The following EPC1 variants were observed in gnomAD, a reference collection of about 807,000 sequenced individuals.
The protein encoded by EPC1 is enhancer of polycomb homolog 1.
In EPC1, 12 loss-of-function variants were observed where a neutral mutation model predicts 98.4. The observed-to-expected ratio is 0.12, with a 90% CI of 0.08 to 0.20. The LOEUF is 0.20. Ranked by LOEUF, EPC1 falls within the 10% of genes least tolerant of loss-of-function variation. The pLI, the probability that EPC1 is intolerant of heterozygous loss-of-function variation, is 1.00. For synonymous variants in EPC1, 357 were observed against 363.9 expected, an observed-to-expected ratio of 0.98 and a Z score of 0.21; for missense variants, 729 against 990.5, an observed-to-expected ratio of 0.74 and a Z score of 3.54.
chr10:32,376,216 G>A (rs1164969423), intron 1 of EPC1, among the ~76,000 whole-genome samples: 1 of 151,988 alleles, frequency 6.6e-6, no homozygotes, highest in Non-Finnish European at 1.5e-5. Context: ...TGATGTAGGA[G>A]AACAAAGAGC....
rs376423999 is a variant in EPC1, at chr10:32,315,075, T to G, written c.154-9144A>C. Among the ~76,000 whole-genome samples the G allele has an allele frequency of 2.6e-5, 4 of 152,354 alleles. No homozygotes were observed. The East Asian group carries it at 7.7e-4, about 29-fold the overall frequency. ...GAGCTCTTTAAGAGTAGAGACGATG[T>G]CTAATTTGCCTTTGCATCTTTTCCT... On this transcript the variant is annotated intron_variant, in intron 1 of 13. Coordinates refer to ENST00000319778, the MANE Select transcript of EPC1 (RefSeq NM_001272004.3).
intron 10 of EPC1, among the ~76,000 whole-genome samples, chr10:32,280,616 G>A (rs908451388): frequency 2.0e-4 from 31 of 152,176 alleles, no homozygotes; most frequent in African/African-American, 7.0e-4. Context: ...GCGGGTGCCT[G>A]TAATCCTAGC....
chr10:32,284,560 A>G (rs1183785298), intron 10 of EPC1, 138 bp downstream of exon 10: 1 of 661,234 alleles, frequency 1.5e-6, no homozygotes, highest in Non-Finnish European at 2.5e-6. Flanking sequence ...ATAAATACTT[A>G]GACCAAGATT....
At chr10:32,333,757 A>G (rs1219051892) in intron 1 of EPC1, among the ~76,000 whole-genome samples, 1 of 72,966 alleles carries the variant, frequency 1.4e-5, no homozygotes, top group Non-Finnish European at 3.4e-5. Context: ...CAGTCAGACA[A>G]TAAGGCTTTA....
chr10:32,268,793 T>A lies in EPC1; in HGVS notation c.*270A>T, dbSNP rs1033592450. ...AAGTGCAAAGCATCACAAATGAACA[T>A]TTCTGTATTCAAGTAACATATATAC... On this transcript the variant is annotated 3_prime_UTR_variant, in exon 14 of 14. Transcript: ENST00000319778. 1 of 129,368 alleles carries A rather than the reference T, an allele frequency of 7.7e-6. No homozygotes were observed. The highest frequency in any genetic ancestry group is 1.5e-5 in the Non-Finnish European group (1 of 64,660). The allele number at this position is 129,368 out of a possible 1,614,324, so 8.0% of individuals were successfully genotyped here.
At chr10:32,296,129 C>T (rs1057116648) in intron 2 of EPC1, among the ~76,000 whole-genome samples, 1 of 151,860 alleles carries the variant, frequency 6.6e-6, no homozygotes, top group Non-Finnish European at 1.5e-5. Context: ...GATGGGGTTT[C>T]ACCATCTTGG....
chr10:32,371,040 T>C (rs1839731084), intron 1 of EPC1, among the ~76,000 whole-genome samples: 1 of 152,214 alleles, frequency 6.6e-6, no homozygotes, highest in Non-Finnish European at 1.5e-5. Flanking sequence ...CTTCTGAGGA[T>C]AGAAAGGACA....
intron 1 of EPC1, among the ~76,000 whole-genome samples, chr10:32,369,428 A>G (rs1839687939): frequency 6.6e-6 from 1 of 152,202 alleles, no homozygotes; most frequent in African/African-American, 2.4e-5. Context: ...CAGTAAATAT[A>G]AATAAGGCTC....
chr10:32,284,534 T>C (rs903383010), intron 10 of EPC1, 164 bp downstream of exon 10: 5 of 578,014 alleles, frequency 8.7e-6, no homozygotes, highest in African/African-American at 1.9e-5. Flanking sequence ...CAAACTCCTA[T>C]AGCAACAGGA....
At chr10:32,345,532 A>T in intron 1 of EPC1, 1 of 985,538 alleles carries the variant, frequency 1.0e-6, no homozygotes, top group Non-Finnish European at 1.2e-6. Context: ...TTGAACTGTC[A>T]ATACACTGCA....
At position 32,331,617 on chromosome 10, in the gene EPC1, T is replaced by C. The variant is rs549613678; in HGVS notation, c.153+15146A>G. Among the ~76,000 whole-genome samples, 264 of 151,634 alleles carry C rather than the reference T, an allele frequency of 1.7e-3. 2 individuals carry two copies. The highest frequency in any genetic ancestry group is 6.0e-3 in the African/African-American group (251 of 41,556). ...TTAGACTTAGAGATAACATATAAAC[T>C]ATCCAAAGTAAAAATAAGTATTTTA... is the stretch of plus-strand genomic sequence containing the variant. On this transcript the variant is annotated intron_variant, in intron 1 of 13. Transcript: ENST00000319778.
intron 10 of EPC1, among the ~76,000 whole-genome samples, chr10:32,275,413 C>G (rs1300674746): frequency 6.6e-6 from 1 of 152,142 alleles, no homozygotes; most frequent in Non-Finnish European, 1.5e-5. Flanking sequence ...GTGGGTGGAT[C>G]ACGAGGTCAG....
chr10:32,309,647 G>T (rs1477126946), intron 1 of EPC1, among the ~76,000 whole-genome samples: 1 of 150,216 alleles, frequency 6.7e-6, no homozygotes, highest in Non-Finnish European at 1.5e-5. Flanking sequence ...CTTGAGCCCA[G>T]GAGTTCGAGA....
intron 1 of EPC1, among the ~76,000 whole-genome samples, chr10:32,306,772 G>A (rs1835896717): frequency 1.3e-5 from 2 of 152,062 alleles, no homozygotes; most frequent in East Asian, 1.9e-4. Context: ...TTCCTAGTTT[G>A]TGATACTACC....
At chr10:32,295,753 C>T (rs933879422) in intron 2 of EPC1, among the ~76,000 whole-genome samples, 3 of 152,174 alleles carry the variant, frequency 2.0e-5, no homozygotes, top group African/African-American at 4.8e-5. Flanking sequence ...TTCAGTTCCT[C>T]AGTCACAATC....
chr10:32,270,619 G>A (rs114196862), intron 13 of EPC1, among the ~76,000 whole-genome samples: 1,777 of 152,076 alleles, frequency 0.012, 35 homozygotes, highest in African/African-American at 0.041. Context: ...GAGGTCAGGG[G>A]TTCAAGACTA....
chr10:32,362,693 A>C (rs1176616692), intron 1 of EPC1, among the ~76,000 whole-genome samples: 1 of 152,182 alleles, frequency 6.6e-6, no homozygotes, highest in African/African-American at 2.4e-5. Flanking sequence ...GCCTGCTACA[A>C]AACTCTCTCC....
At position 32,368,865 on chromosome 10, in the gene EPC1, T is replaced by A. The variant is rs758623285; in HGVS notation, c.3+9626A>T. On this transcript the variant is annotated intron_variant, in intron 1 of 13. Coordinates refer to the EPC1 transcript ENST00000375110. ...CTAGCGCTATTCAAGGCACTTTAGATGCACAAACTCATTGTGTTCTCTCAA... is the reference window on the plus strand; with the variant it reads ...CTAGCGCTATTCAAGGCACTTTAGAAGCACAAACTCATTGTGTTCTCTCAA... Among the ~76,000 whole-genome samples, 11 of 152,352 alleles carry A rather than the reference T, an allele frequency of 7.2e-5. No individual in the cohort carries two copies. In the East Asian group the frequency reaches 1.7e-3, roughly 24 times the overall value.
chr10:32,327,653 A>G (rs745990357), intron 1 of EPC1, among the ~76,000 whole-genome samples: 1 of 152,188 alleles, frequency 6.6e-6, no homozygotes, highest in Non-Finnish European at 1.5e-5. Flanking sequence ...GATTTTACTT[A>G]AAACTTAGAT....
Sources: gnomAD v4.1 joint callset for allele counts (sites outside exome capture counted in the v4.1 genomes callset) on GRCh38, gnomAD v4.1.1 for gene constraint, MANE v1.5 for transcripts, NCBI Gene and HGNC (gene_info 2026-07-23, HGNC 2026-07-21) for gene names.